Variants in CUBN observed in about 807,000 individuals in gnomAD.
The protein encoded by CUBN is cubilin.
A neutral mutation model predicts 405.3 loss-of-function variants in CUBN; 282 were observed. The observed-to-expected ratio is 0.70, with a 90% CI of 0.63 to 0.77. The LOEUF is 0.77. Among genes scored for constraint, CUBN ranks in the 30% least tolerant of loss-of-function variants. The pLI, the probability that CUBN is intolerant of heterozygous loss-of-function variation, is 0.00. For missense variants in CUBN, 4,514 were observed against 4,475.2 expected, an observed-to-expected ratio of 1.01 and a Z score of -0.25; for synonymous variants, 1,684 against 1,617.0, an observed-to-expected ratio of 1.04 and a Z score of -0.99.
chr10:17,128,040 C>T, intron 2 of CUBN, 116 bp from the exon 3 acceptor site: 1 of 702,236 alleles, frequency 1.4e-6, no homozygotes, highest in Non-Finnish European at 2.4e-6. Flanking sequence ...TAAGATCTTG[C>T]CTATTATTAT....
intron 49 of CUBN, among the ~76,000 whole-genome samples, 192 bp from the exon 50 acceptor site, chr10:16,906,601 G>T (rs1841563936): frequency 6.6e-6 from 1 of 152,170 alleles, no homozygotes; most frequent in South Asian, 2.1e-4. Flanking sequence ...GGAAAGATGT[G>T]CAAAAATCAA....
intron 28 of CUBN, 53 bp downstream of exon 28, chr10:17,019,780 A>C: frequency 1.2e-6 from 2 of 1,612,698 alleles, no homozygotes; most frequent in South Asian, 2.2e-5. Flanking sequence ...AAAAGAAAAA[A>C]TTCTTGGCCA....
Position 17,077,668 on chromosome 10 carries a change from G to T in CUBN, c.2302-5697C>A, listed in dbSNP as rs147806689. On this transcript the variant is annotated intron_variant, in intron 17 of 66. Transcript: ENST00000377833. ...GTGGCTTTCTGTGAAGTGAGCTTCA[G>T]GCTGACATACATCTTAGCTAAGTAA... Among the ~76,000 whole-genome samples the T allele has an allele frequency of 7.7e-4, 118 of 152,294 alleles. 1 individual carries two copies. In the East Asian group the frequency reaches 0.02, roughly 26 times the overall value.
At chr10:16,977,266 C>T (rs551906745) in intron 31 of CUBN, among the ~76,000 whole-genome samples, 38 of 152,220 alleles carry the variant, frequency 2.5e-4, no homozygotes, top group African/African-American at 8.9e-4. Context: ...GTTTCCACAC[C>T]CAAATTTTGC....
chr10:17,000,945 G>C (rs958761035), intron 28 of CUBN, among the ~76,000 whole-genome samples: 10 of 152,300 alleles, frequency 6.6e-5, no homozygotes, highest in African/African-American at 1.9e-4. Flanking sequence ...CCACGGACCT[G>C]AACAGTGAGT....
chr10:16,935,711 G>A (rs1842481237), intron 39 of CUBN, among the ~76,000 whole-genome samples: 1 of 151,360 alleles, frequency 6.6e-6, no homozygotes, highest in South Asian at 2.1e-4. Context: ...AACCCCATCT[G>A]TACTAAAAAT....
intron 28 of CUBN, among the ~76,000 whole-genome samples, chr10:17,014,410 C>T (rs908568419): frequency 6.6e-6 from 1 of 152,100 alleles, no homozygotes; most frequent in Non-Finnish European, 1.5e-5. Context: ...TCTGGGTCTC[C>T]TTGATTAGAG....
intron 14 of CUBN, among the ~76,000 whole-genome samples, chr10:17,099,547 T>G (rs1836450949): frequency 6.6e-6 from 1 of 152,200 alleles, no homozygotes; most frequent in African/African-American, 2.4e-5. Context: ...TCTAGGTTGA[T>G]TTGATTTTAA....
intron 16 of CUBN, 63 bp from the exon 17 acceptor site, chr10:17,084,524 G>T (rs1836057972): frequency 2.1e-6 from 3 of 1,432,744 alleles, no homozygotes; most frequent in Non-Finnish European, 1.9e-6. Flanking sequence ...GCAGGCATTG[G>T]ATCCAATTTC....
At chr10:16,962,732 G>A (rs1316399689) in intron 31 of CUBN, among the ~76,000 whole-genome samples, 1 of 152,142 alleles carries the variant, frequency 6.6e-6, no homozygotes, top group East Asian at 1.9e-4. Context: ...ACTCCGTGGA[G>A]AGGCCTGTGT....
intron 39 of CUBN, among the ~76,000 whole-genome samples, chr10:16,937,067 A>G (rs944482102): frequency 2.0e-5 from 3 of 152,186 alleles, no homozygotes; most frequent in Admixed American, 6.6e-5. Context: ...TGCTAGCTCA[A>G]TATCACTTTC....
intron 40 of CUBN, among the ~76,000 whole-genome samples, chr10:16,930,621 G>A (rs1055652541): frequency 1.3e-5 from 2 of 152,182 alleles, no homozygotes; most frequent in Non-Finnish European, 2.9e-5. Context: ...TCTCAGTTTG[G>A]AGGGATCTTT....
Position 17,071,810 on chromosome 10 carries a change from A to G in CUBN, c.2446+17T>C. On this transcript the variant is annotated intron_variant, in intron 18 of 66. Transcript: ENST00000377833. ...AATCAGGCAAATTAGACATTTAAAA[A>G]TTATATGTTTCCTTACCGACTTGAT... The G allele has an allele frequency of 6.2e-7, 1 of 1,609,654 alleles. No homozygotes were observed. The highest frequency in any genetic ancestry group is 1.1e-5 in the South Asian group (1 of 90,244).
At chr10:17,017,912 T>C (rs568329645) in intron 28 of CUBN, among the ~76,000 whole-genome samples, 12 of 152,140 alleles carry the variant, frequency 7.9e-5, no homozygotes, top group Admixed American at 3.9e-4. Flanking sequence ...ATAGATAGGA[T>C]AGATGGGCAA....
chr10:16,829,939 T>C (rs560496658), intron 65 of CUBN, among the ~76,000 whole-genome samples: 4 of 143,004 alleles, frequency 2.8e-5, no homozygotes, highest in Non-Finnish European at 6.0e-5. Flanking sequence ...TTTTTTTTGT[T>C]TTGTTTTTTT....
In CUBN at chr10:16,939,053, T is replaced by A. The variant is rs1303740211; in HGVS notation, c.5643A>T (p.Thr1881=). The A allele has an allele frequency of 5.0e-6, 8 of 1,612,976 alleles. No homozygotes were observed. In the Admixed American group the frequency reaches 1.3e-4, roughly 27 times the overall value. Residue 1881 remains threonine, a synonymous_variant, in exon 38 of 67, where the codon ACA becomes ACT. Coordinates refer to ENST00000377833, the MANE Select transcript of CUBN (RefSeq NM_001081.4). ...CAACGTGAGATGCATTCACATTTAC[T>A]GTCCATTGGTAATTGGAGTTATGTG... ...NYPHNSNYQW[T]VNVNASHVVH...
At chr10:16,957,394 A>G (rs1000296856) in intron 31 of CUBN, among the ~76,000 whole-genome samples, 2 of 152,220 alleles carry the variant, frequency 1.3e-5, no homozygotes, top group African/African-American at 4.8e-5. Context: ...GCTAAGTACC[A>G]TCCCATTGTT....
At chr10:16,967,757 TAAGAA>T (rs1843432555) in intron 31 of CUBN, among the ~76,000 whole-genome samples, 1 of 124,412 alleles carries the variant, frequency 8.0e-6, no homozygotes, top group African/African-American at 3.2e-5. Context: ...AAGGGAAAGA[TAAGAA>T]GAGAAGGAGG....
intron 28 of CUBN, among the ~76,000 whole-genome samples, chr10:17,007,747 G>A (rs1834066124): frequency 6.6e-6 from 1 of 152,186 alleles, no homozygotes; most frequent in Non-Finnish European, 1.5e-5. Flanking sequence ...AGCGTTAGCG[G>A]GGCTGTCCTG....
Sources: gnomAD v4.1 joint callset for allele counts (sites outside exome capture counted in the v4.1 genomes callset) on GRCh38, gnomAD v4.1.1 for gene constraint, MANE v1.5 for transcripts, NCBI Gene and HGNC (gene_info 2026-07-23, HGNC 2026-07-21) for gene names.